The following LRP1B variants were observed in gnomAD, a reference collection of about 807,000 sequenced individuals.
LRP1B encodes low-density lipoprotein receptor-related protein 1B.
A neutral mutation model predicts 556.6 loss-of-function variants in LRP1B; 217 were observed. That is an observed-to-expected ratio of 0.39 (90% CI 0.35 to 0.44). The LOEUF is 0.44. LRP1B is among the 20% of genes least tolerant of loss of function. LRP1B has a pLI of 1.00. For synonymous variants in LRP1B, 2,047 were observed against 1,865.8 expected (o/e 1.10, Z -2.50); for missense variants, 5,053 against 5,620.8 (o/e 0.90, Z 3.23).
chr2:141,025,669 T>C (rs1455604472), intron 11 of LRP1B, among the ~76,000 whole-genome samples: 1 of 152,112 alleles, frequency 6.6e-6, no homozygotes, highest in Non-Finnish European at 1.5e-5. Context: ...TGATGTACTC[T>C]GCAAATTTTG....
At chr2:140,280,634 G>A (rs1682876494) in intron 84 of LRP1B, among the ~76,000 whole-genome samples, 1 of 151,728 alleles carries the variant, frequency 6.6e-6, no homozygotes, top group Admixed American at 6.6e-5. Context: ...TCAATCATAA[G>A]GTTAAAGCAA....
rs577169682 is a variant in LRP1B, at chr2:141,959,388, T to C, written c.83-148987A>G. ...CACATACTAATGAAATAAAGAGCTT[T>C]GCTTCCACAACTACCATTCCTGGTG... On this transcript the variant is annotated intron_variant, in intron 1 of 90. Transcript: ENST00000389484. Among the ~76,000 whole-genome samples the C allele has an allele frequency of 9.3e-4, 141 of 152,106 alleles. 1 individual carries two copies. The highest frequency in any genetic ancestry group is 1.9e-4 in the Non-Finnish European group (13 of 67,944).
rs565069251 is a variant in LRP1B, at chr2:141,725,421, G to A, written c.205+84858C>T. ...ATGCTCACTGATTAAAAGGTCATCA[G>A]AGATCAAAATGGTAGATGTTTCAGA... On this transcript the variant is annotated intron_variant, in intron 2 of 90. Transcript: ENST00000389484. 1.2e-4 allele frequency among the ~76,000 whole-genome samples: 18 copies of A among 151,970 alleles called. No homozygotes were observed. In the South Asian group the frequency reaches 2.5e-3, roughly 21 times the overall value.
chr2:142,005,121 TAA>T (rs1342448282), intron 1 of LRP1B, among the ~76,000 whole-genome samples: 1 of 148,780 alleles, frequency 6.7e-6, no homozygotes, highest in Non-Finnish European at 1.5e-5. Flanking sequence ...TTACTATATA[TAA>T]CTATATAGTA....
At chr2:140,816,852 GCAT>G (rs1691143010) in intron 31 of LRP1B, among the ~76,000 whole-genome samples, 1 of 151,910 alleles carries the variant, frequency 6.6e-6, no homozygotes, top group African/African-American at 2.4e-5. Flanking sequence ...AAATGTTTTT[GCAT>G]CATAAGATTT....
chr2:141,346,939 C>A (rs1688274263), intron 3 of LRP1B, among the ~76,000 whole-genome samples: 1 of 151,990 alleles, frequency 6.6e-6, no homozygotes, highest in Non-Finnish European at 1.5e-5. Flanking sequence ...TGAAAACTTC[C>A]TTTAATGTTT....
chr2:141,034,879 T>A (rs1037137029), intron 11 of LRP1B, among the ~76,000 whole-genome samples: 10 of 150,590 alleles, frequency 6.6e-5, no homozygotes, highest in African/African-American at 1.7e-4. Flanking sequence ...AGGACTATGA[T>A]TCATGCTGCT....
At chr2:141,153,684 A>G (rs1408172127) in intron 7 of LRP1B, among the ~76,000 whole-genome samples, 1 of 147,226 alleles carries the variant, frequency 6.8e-6, no homozygotes, top group Non-Finnish European at 1.5e-5. Flanking sequence ...GCAGTAAACT[A>G]CCCTGTACAT....
Position 140,950,248 on chromosome 2 carries a change from A to G in LRP1B, c.3123T>C (p.Asn1041=), listed in dbSNP as rs780936668. The G allele has an allele frequency of 1.9e-6, 3 of 1,587,978 alleles. No homozygotes were observed. The highest frequency in any genetic ancestry group is 2.6e-6 in the Non-Finnish European group (3 of 1,172,556). ...CGDFSDEAQI[N]CTKEEIHSPA... ...AAAATTACTAACCTTCTTTAGTACA[A>G]TTGATCTGGGCTTCATCACTGAAGT... The change falls in exon 20 of 91, where the codon AAT becomes AAC. Residue 1041 remains asparagine (N), a synonymous_variant. Transcript: ENST00000389484.
chr2:140,624,678 C>T (rs1005487964), intron 41 of LRP1B, among the ~76,000 whole-genome samples: 1 of 152,060 alleles, frequency 6.6e-6, no homozygotes, highest in East Asian at 1.9e-4. Context: ...CAGCATAAGA[C>T]CCTGTTGTTG....
chr2:142,097,064 A>AAAC (rs1553516822), intron 1 of LRP1B, among the ~76,000 whole-genome samples: 12,259 of 150,080 alleles, frequency 0.082, 543 homozygotes, highest in Non-Finnish European at 0.093. Flanking sequence ...TTGCAAAAAA[A>AAAC]AAACCCCGGT....
Position 141,744,998 on chromosome 2 carries a change from G to A in LRP1B, c.205+65281C>T, listed in dbSNP as rs189106562. Among the ~76,000 whole-genome samples, 7 of 152,244 alleles carry A rather than the reference G, an allele frequency of 4.6e-5. No homozygotes were observed. The East Asian group carries it at 1.4e-3, about 29-fold the overall frequency. On this transcript the variant is annotated intron_variant, in intron 2 of 90. Transcript: ENST00000389484. ...TCTACAAGAATTCTGTGGATTACCA[G>A]GCAGAGACCCTAGTTCTTTTCTCTT...
At chr2:140,577,269 G>T (rs1159162887) in intron 43 of LRP1B, among the ~76,000 whole-genome samples, 1 of 152,022 alleles carries the variant, frequency 6.6e-6, no homozygotes, top group Non-Finnish European at 1.5e-5. Flanking sequence ...CAAATCACAA[G>T]GTCAAGAGAT....
intron 3 of LRP1B, among the ~76,000 whole-genome samples, chr2:141,414,721 T>C (rs1406884335): frequency 1.3e-5 from 2 of 152,234 alleles, no homozygotes. Flanking sequence ...CTTTCAATCC[T>C]GTTTCTGATT....
At chr2:140,546,015 T>TGTGTGC (rs1313033542) in intron 43 of LRP1B, among the ~76,000 whole-genome samples, 1 of 151,234 alleles carries the variant, frequency 6.6e-6, no homozygotes, top group Non-Finnish European at 1.5e-5. Context: ...TGTGTGTGTG[T>TGTGTGC]GTGTGTGTGT....
At chr2:142,024,620 G>GTTTTTTTTT (rs3041443) in intron 1 of LRP1B, among the ~76,000 whole-genome samples, 23 of 131,006 alleles carry the variant, frequency 1.8e-4, no homozygotes, top group South Asian at 2.5e-4. Context: ...CAGCTGAAAT[G>GTTTTTTTTT]TTTTTTTTTT....
At chr2:141,031,211 A>T (rs1250519046) in intron 11 of LRP1B, among the ~76,000 whole-genome samples, 1 of 150,322 alleles carries the variant, frequency 6.7e-6, no homozygotes, top group Non-Finnish European at 1.5e-5. Flanking sequence ...AAAAATCATG[A>T]TTTTTCTGGA....
intron 7 of LRP1B, among the ~76,000 whole-genome samples, chr2:141,089,409 C>A (rs190468187): frequency 6.6e-6 from 1 of 152,024 alleles, no homozygotes; most frequent in Non-Finnish European, 1.5e-5. Flanking sequence ...AGATCTGTAT[C>A]GGAGAGTAAT....
chr2:142,122,490 A>C (rs181748250), intron 1 of LRP1B, among the ~76,000 whole-genome samples: 3 of 152,204 alleles, frequency 2.0e-5, no homozygotes, highest in Non-Finnish European at 4.4e-5. Context: ...ATTTTCTTGC[A>C]AATAAGATTA....
Sources: allele counts gnomAD v4.1 joint callset (sites outside exome capture counted in the v4.1 genomes callset), GRCh38; gene constraint gnomAD v4.1.1; transcripts MANE v1.5; gene names NCBI Gene and HGNC (gene_info 2026-07-23, HGNC 2026-07-21).